CTNND2: variants seen among roughly 807,000 people sequenced by gnomAD.
The protein encoded by CTNND2 is catenin delta-2.
A neutral mutation model predicts 144.4 loss-of-function variants in CTNND2; 22 were observed. The observed-to-expected ratio is 0.15, with a 90% CI of 0.11 to 0.22. The LOEUF (loss-of-function observed/expected upper bound fraction) is 0.22, where lower values mean the gene tolerates loss of function less well. Ranked by LOEUF, CTNND2 falls within the 10% of genes least tolerant of loss-of-function variation. CTNND2 has a pLI of 1.00. For missense variants in CTNND2, 1,353 were observed against 1,618.8 expected (o/e 0.84, Z 2.82); for synonymous variants, 751 against 695.6 (o/e 1.08, Z -1.25).
intron 1 of CTNND2, among the ~76,000 whole-genome samples, chr5:11,816,025 G>A (rs893323146): frequency 6.6e-6 from 1 of 152,116 alleles, no homozygotes; most frequent in Non-Finnish European, 1.5e-5. Flanking sequence ...GCCCACGAGT[G>A]TACCCTGGTA....
chr5:11,127,314 C>G (rs1754775175), intron 12 of CTNND2, among the ~76,000 whole-genome samples: 1 of 152,190 alleles, frequency 6.6e-6, no homozygotes, highest in Non-Finnish European at 1.5e-5. Context: ...AATCCTGGGC[C>G]ATCCCTCACC....
rs975119604 is a variant in CTNND2 at position 11,626,794 on chromosome 5, G to A, written c.175-61738C>T. Among the ~76,000 whole-genome samples the A allele has an allele frequency of 1.3e-4, 20 of 152,114 alleles. 1 individual carries two copies. Among genetic ancestry groups the A allele is most frequent in the Admixed American group, 7.9e-4 (12 of 15,272 alleles). ...AAGCATTAAACTTCACACGCAAATC[G>A]GAAAAGTACAAGAAGAGTTTTACAA... On this transcript the variant is annotated intron_variant, in intron 2 of 21. Transcript: ENST00000304623.
At chr5:11,070,494 A>G (rs376675296) in intron 16 of CTNND2, among the ~76,000 whole-genome samples, 17 of 152,336 alleles carry the variant, frequency 1.1e-4, no homozygotes, top group African/African-American at 3.8e-4. Flanking sequence ...AATATCATGT[A>G]GTGTAATATA....
chr5:11,592,165 TGCCTTCCTG>T (rs766266165), intron 2 of CTNND2, among the ~76,000 whole-genome samples: 2 of 122,908 alleles, frequency 1.6e-5, no homozygotes, highest in East Asian at 3.9e-4. Context: ...CCTGCCTGCC[TGCCTTCCTG>T]CCTGCCTGCC....
At chr5:11,061,718 T>A (rs549591540) in intron 16 of CTNND2, among the ~76,000 whole-genome samples, 1 of 149,094 alleles carries the variant, frequency 6.7e-6, no homozygotes, top group South Asian at 2.1e-4. Context: ...TTCTTTCTCT[T>A]TTTTTTTTAG....
chr5:11,711,198 G>A (rs991011451), intron 2 of CTNND2, among the ~76,000 whole-genome samples: 2 of 152,098 alleles, frequency 1.3e-5, no homozygotes, highest in Non-Finnish European at 2.9e-5. Context: ...TGGGATTACA[G>A]GCATGTGCCA....
At chr5:11,804,773 C>A (rs1791902069) in intron 1 of CTNND2, among the ~76,000 whole-genome samples, 1 of 152,158 alleles carries the variant, frequency 6.6e-6, no homozygotes, top group African/African-American at 2.4e-5. Context: ...TTCTGCATGA[C>A]ACTACTCATT....
chr5:11,714,833 C>T (rs1048204969), intron 2 of CTNND2, among the ~76,000 whole-genome samples: 115 of 150,958 alleles, frequency 7.6e-4, no homozygotes, highest in African/African-American at 2.7e-3. Flanking sequence ...GGCATGAACC[C>T]GGGAGGCGAA....
chr5:11,326,198 G>T (rs1162499838), intron 9 of CTNND2, among the ~76,000 whole-genome samples: 1 of 152,164 alleles, frequency 6.6e-6, no homozygotes, highest in Non-Finnish European at 1.5e-5. Context: ...CCTGCAGGTT[G>T]TGGTACCCTC....
intron 1 of CTNND2, among the ~76,000 whole-genome samples, chr5:11,759,316 C>A (rs927999676): frequency 6.6e-6 from 1 of 151,876 alleles, no homozygotes; most frequent in Non-Finnish European, 1.5e-5. Context: ...ATTATGAAAA[C>A]CTTAATAACC....
intron 16 of CTNND2, among the ~76,000 whole-genome samples, chr5:11,047,777 A>G (rs1365672573): frequency 6.6e-6 from 1 of 152,124 alleles, no homozygotes; most frequent in Non-Finnish European, 1.5e-5. Context: ...CAGGTAAAAT[A>G]CCAGCTCTTG....
intron 16 of CTNND2, among the ~76,000 whole-genome samples, chr5:11,079,074 G>A (rs1385746762): frequency 6.6e-6 from 1 of 152,148 alleles, no homozygotes; most frequent in Non-Finnish European, 1.5e-5. Flanking sequence ...AGAAAAAGTG[G>A]CTGCTTCCCA....
intron 2 of CTNND2, among the ~76,000 whole-genome samples, chr5:11,661,423 CT>C (rs961981853): frequency 1.9e-4 from 29 of 152,098 alleles, no homozygotes; most frequent in African/African-American, 6.8e-4. Flanking sequence ...AGTTCTGTTA[CT>C]TTTTTATTGC....
chr5:11,097,059 G>A (rs1751427209), intron 15 of CTNND2, among the ~76,000 whole-genome samples: 1 of 152,122 alleles, frequency 6.6e-6, no homozygotes, highest in Non-Finnish European at 1.5e-5. Context: ...TGTGACTGAT[G>A]TGCATGATGT....
chr5:11,438,708 T>G (rs1303768017), intron 3 of CTNND2, among the ~76,000 whole-genome samples: 1 of 152,230 alleles, frequency 6.6e-6, no homozygotes, highest in East Asian at 1.9e-4. Context: ...ATCAACAATG[T>G]CCTAATTACT....
At chr5:11,149,153 C>T (rs10036730) in intron 12 of CTNND2, among the ~76,000 whole-genome samples, 12,068 of 152,308 alleles carry the variant, frequency 0.079, 1,521 homozygotes, top group African/African-American at 0.27. Flanking sequence ...GGACACGATG[C>T]TTTTGCTTAC....
chr5:11,619,545 T>A (rs905940526), intron 2 of CTNND2, among the ~76,000 whole-genome samples: 1 of 152,212 alleles, frequency 6.6e-6, no homozygotes, highest in Admixed American at 6.6e-5. Flanking sequence ...TCTTTTTAAA[T>A]CCTATGTACA....
At chr5:11,647,273 T>G (rs923144818) in intron 2 of CTNND2, among the ~76,000 whole-genome samples, 2 of 152,158 alleles carry the variant, frequency 1.3e-5, no homozygotes, top group Non-Finnish European at 2.9e-5. Context: ...AGTCCAAGCC[T>G]GGATCAATAA....
chr5:11,234,066 C>G (rs1037190011), intron 10 of CTNND2, among the ~76,000 whole-genome samples: 1 of 152,120 alleles, frequency 6.6e-6, no homozygotes, highest in African/African-American at 2.4e-5. Context: ...CTAGGAGTGC[C>G]AGCTGCTGGG....
Sources: allele counts gnomAD v4.1 joint callset (sites outside exome capture counted in the v4.1 genomes callset), GRCh38; gene constraint gnomAD v4.1.1; transcripts MANE v1.5; gene names NCBI Gene and HGNC (gene_info 2026-07-23, HGNC 2026-07-21).